The following ARHGAP12 variants were observed in gnomAD, a reference collection of about 807,000 sequenced individuals.
The protein encoded by ARHGAP12 is rho GTPase-activating protein 12.
ARHGAP12 carries 64 observed loss-of-function variants against 108.6 expected under a neutral mutation model. The ratio of observed to expected loss-of-function variants is 0.59; its 90% CI spans 0.48 to 0.73. The LOEUF (loss-of-function observed/expected upper bound fraction) is 0.73, where lower values mean the gene tolerates loss of function less well. Among genes scored for constraint, ARHGAP12 ranks in the 30% least tolerant of loss-of-function variants. The pLI, the probability that ARHGAP12 is intolerant of heterozygous loss-of-function variation, is 0.00. For missense variants in ARHGAP12, 940 were observed against 1,005.9 expected, an observed-to-expected ratio of 0.93 and a Z score of 0.89; for synonymous variants, 312 against 337.2, an observed-to-expected ratio of 0.93 and a Z score of 0.82.
At chr10:31,832,409 G>A (rs1011920867) in intron 9 of ARHGAP12, among the ~76,000 whole-genome samples, 1 of 152,170 alleles carries the variant, frequency 6.6e-6, no homozygotes, top group African/African-American at 2.4e-5. Context: ...TTAGCCAGCT[G>A]ATGTCAAAAA....
chr10:31,899,194 A>G (rs566902783), intron 3 of ARHGAP12, among the ~76,000 whole-genome samples: 3 of 152,348 alleles, frequency 2.0e-5, no homozygotes, highest in Admixed American at 6.5e-5. Flanking sequence ...GGTGATAGCT[A>G]AAGGTTATAG....
rs74433601 is a variant in ARHGAP12, at chr10:31,924,227, A to G, written c.-111+4456T>C. 7.1e-3 allele frequency among the ~76,000 whole-genome samples: 1,083 copies of G among 152,384 alleles called. 14 individuals are homozygous for G. The highest frequency in any genetic ancestry group is 0.025 in the African/African-American group (1,027 of 41,584). On this transcript the variant is annotated intron_variant, in intron 1 of 19. Coordinates refer to ENST00000344936, the MANE Select transcript of ARHGAP12 (RefSeq NM_018287.7). The stretch of plus-strand genomic sequence containing the variant: ...GTATTTACCCAAGAGAAATGAAAAC[A>G]TAAGTCCACACAAAGGCCTTACATG...
At position 31,842,821 on chromosome 10, in the gene ARHGAP12, A is replaced by G. The variant is rs73253344; in HGVS notation, c.1296+640T>C. On this transcript the variant is annotated intron_variant, in intron 7 of 19. Coordinates refer to ENST00000344936, the MANE Select transcript of ARHGAP12 (RefSeq NM_018287.7). ...TCTGCAAATTCATACTAAGTTCCCA[A>G]CTTATCCCCAAAATGAAGCTACACT... 7.9e-3 allele frequency among the ~76,000 whole-genome samples: 1,209 copies of G among 152,212 alleles called. 19 individuals are homozygous for G. Among genetic ancestry groups the G allele is most frequent in the African/African-American group, 0.028 (1,149 of 41,562 alleles).
intron 3 of ARHGAP12, among the ~76,000 whole-genome samples, chr10:31,896,913 CAG>C (rs1249572614): frequency 6.6e-6 from 1 of 152,180 alleles, no homozygotes. Context: ...AAGGCAAATT[CAG>C]AGTCACACAG....
At chr10:31,843,440 C>G in intron 7 of ARHGAP12, 21 bp downstream of exon 7, 1 of 1,604,598 alleles carries the variant, frequency 6.2e-7, no homozygotes, top group Non-Finnish European at 8.5e-7. Context: ...AAGAACTTGC[C>G]AAAAATCTCA....
intron 3 of ARHGAP12, among the ~76,000 whole-genome samples, chr10:31,877,906 AC>A (rs1174532547): frequency 6.6e-6 from 1 of 152,162 alleles, no homozygotes; most frequent in Admixed American, 6.5e-5. Flanking sequence ...AGCCTGGGGA[AC>A]GTGGAGAAAC....
At chr10:31,830,408 G>GA (rs375075243) in intron 10 of ARHGAP12, among the ~76,000 whole-genome samples, 122 of 151,178 alleles carry the variant, frequency 8.1e-4, no homozygotes, top group African/African-American at 2.7e-3. Context: ...ACTATCATAG[G>GA]AAAAAAAACA....
At chr10:31,841,837 T>C (rs1836281119) in intron 7 of ARHGAP12, among the ~76,000 whole-genome samples, 2 of 152,174 alleles carry the variant, frequency 1.3e-5, no homozygotes, top group East Asian at 1.9e-4. Context: ...TCATCCCTTA[T>C]CACATATTAG....
At chr10:31,874,957 A>G (rs1267137373) in intron 3 of ARHGAP12, among the ~76,000 whole-genome samples, 2 of 138,688 alleles carry the variant, frequency 1.4e-5, no homozygotes, top group East Asian at 2.1e-4. Flanking sequence ...CTGGGTGACA[A>G]CGCAAGACTC....
intron 1 of ARHGAP12, among the ~76,000 whole-genome samples, chr10:31,927,136 G>A (rs1215154532): frequency 1.3e-5 from 2 of 152,222 alleles, no homozygotes; most frequent in East Asian, 3.8e-4. Context: ...TATGTGCGCA[G>A]ACGGTCTGGC....
intron 1 of ARHGAP12, among the ~76,000 whole-genome samples, chr10:31,916,242 C>T (rs141120002): frequency 7.6e-4 from 115 of 152,272 alleles, no homozygotes; most frequent in Non-Finnish European, 1.3e-3. Flanking sequence ...TGCTACACCC[C>T]GATGCTGCTC....
intron 1 of ARHGAP12, among the ~76,000 whole-genome samples, chr10:31,927,099 G>A (rs1385088578): frequency 1.3e-5 from 2 of 152,304 alleles, no homozygotes; most frequent in South Asian, 4.1e-4. Flanking sequence ...TAGAACAGTG[G>A]AGCCGCATGC....
chr10:31,819,663 T>C (rs1420107273), intron 12 of ARHGAP12, among the ~76,000 whole-genome samples: 2 of 152,114 alleles, frequency 1.3e-5, no homozygotes, highest in Non-Finnish European at 2.9e-5. Context: ...CCCTTGAGAA[T>C]GAAAGATCTT....
intron 1 of ARHGAP12, among the ~76,000 whole-genome samples, chr10:31,925,214 A>AT (rs1289397757): frequency 6.6e-6 from 1 of 152,190 alleles, no homozygotes; most frequent in African/African-American, 2.4e-5. Flanking sequence ...TATTATCATC[A>AT]TCCTACCAGA....
Position 31,908,444 on chromosome 10 carries a change from G to A in ARHGAP12, c.412C>T (p.Pro138Ser), listed in dbSNP as rs1470909149. The change falls in exon 3 of 20, where the codon CCC (proline) becomes TCC (serine). Residue 138 changes from proline (P) to serine (S), a missense_variant. Coordinates refer to ENST00000344936, the MANE Select transcript of ARHGAP12 (RefSeq NM_018287.7). ...ACAGTCTGACCTTGATTATAACTGG[G>A]TCCAAAATTCTGATTGGCATCACGA... ...LIRDANQNFG[P>S]SYNQGQTVNL... 5.6e-6 allele frequency: 9 copies of A among 1,614,184 alleles called. No homozygotes were observed. Among genetic ancestry groups the A allele is most frequent in the Non-Finnish European group, 7.6e-6 (9 of 1,180,028 alleles).
chr10:31,904,563 A>G (rs1039907087), intron 3 of ARHGAP12, among the ~76,000 whole-genome samples: 3 of 152,216 alleles, frequency 2.0e-5, no homozygotes, highest in African/African-American at 7.2e-5. Context: ...GTGATATTAC[A>G]GTATAGTGTT....
intron 10 of ARHGAP12, among the ~76,000 whole-genome samples, chr10:31,829,359 T>C (rs1343234594): frequency 6.6e-6 from 1 of 152,186 alleles, no homozygotes; most frequent in African/African-American, 2.4e-5. Flanking sequence ...TTAGTAGGTA[T>C]AGAGTTTCAG....
intron 4 of ARHGAP12, among the ~76,000 whole-genome samples, chr10:31,860,772 A>AT (rs1564395489): frequency 1.3e-5 from 2 of 152,206 alleles, no homozygotes; most frequent in Admixed American, 6.5e-5. Context: ...TCACATTTCT[A>AT]TTTTTTTCTA....
intron 1 of ARHGAP12, among the ~76,000 whole-genome samples, chr10:31,911,198 ATT>A (rs1018962018): frequency 8.6e-5 from 13 of 151,860 alleles, no homozygotes; most frequent in African/African-American, 3.1e-4. Context: ...TAATTTTTGC[ATT>A]TTTATTAGAG....
Sources: allele counts gnomAD v4.1 joint callset (sites outside exome capture counted in the v4.1 genomes callset), GRCh38; gene constraint gnomAD v4.1.1; transcripts MANE v1.5; gene names NCBI Gene and HGNC (gene_info 2026-07-23, HGNC 2026-07-21).